The following B3GALNT2 variants were observed in gnomAD, a reference collection of about 807,000 sequenced individuals.
B3GALNT2 encodes the protein beta-1,3-N-acetylgalactosaminyltransferase 2, also known as UDP-GalNAc:beta-1,3-N-acetylgalactosaminyltransferase 2.
Under a neutral mutation model 61.1 loss-of-function variants are expected in B3GALNT2, and 53 were observed. That is an observed-to-expected ratio of 0.87 (90% CI 0.70 to 1.09). The LOEUF is 1.09. B3GALNT2 is among the 50% of genes least tolerant of loss of function. The probability of loss-of-function intolerance (pLI) is 0.00; values close to 1 mark genes in which losing one functional copy is unlikely to be tolerated. For synonymous variants in B3GALNT2, 223 were observed against 237.4 expected, an observed-to-expected ratio of 0.94 and a Z score of 0.56; for missense variants, 544 against 623.0, an observed-to-expected ratio of 0.87 and a Z score of 1.35.
chr1:235,481,568 T>C (rs1369486003), intron 4 of B3GALNT2, among the ~76,000 whole-genome samples: 1 of 152,140 alleles, frequency 6.6e-6, no homozygotes, highest in African/African-American at 2.4e-5. Flanking sequence ...GGTCTCTAAC[T>C]CCTGGGCTGA....
intron 8 of B3GALNT2, among the ~76,000 whole-genome samples, chr1:235,458,348 T>C (rs1683262884): frequency 6.6e-6 from 1 of 152,146 alleles, no homozygotes; most frequent in Non-Finnish European, 1.5e-5. Flanking sequence ...TTTGTTTTTA[T>C]TTGCTGAAAT....
rs973185790 is a variant in B3GALNT2 at position 235,447,960 on chromosome 1, C to T, written c.*2246G>A. Reference sequence around the variant, plus strand: ...GGCGCTGGGCTCATGCTTGTAATCCCAGCACTTTGGGGGGCCAGGGCGGGC... The same window carrying T: ...GGCGCTGGGCTCATGCTTGTAATCCTAGCACTTTGGGGGGCCAGGGCGGGC... On this transcript the variant is annotated 3_prime_UTR_variant, in exon 12 of 12. Coordinates refer to ENST00000366600, the MANE Select transcript of B3GALNT2 (RefSeq NM_152490.5). Among the ~76,000 whole-genome samples, 2 of 152,092 alleles carry T rather than the reference C, an allele frequency of 1.3e-5. No homozygotes were observed. Among genetic ancestry groups the T allele is most frequent in the Non-Finnish European group, 2.9e-5 (2 of 68,022 alleles).
chr1:235,484,839 T>C (rs1684725669), intron 3 of B3GALNT2, among the ~76,000 whole-genome samples: 1 of 152,232 alleles, frequency 6.6e-6, no homozygotes, highest in Non-Finnish European at 1.5e-5. Flanking sequence ...GGCATCTATT[T>C]GGAAGGGTTG....
chr1:235,453,197 T>C, intron 10 of B3GALNT2, 51 bp from the exon 11 acceptor site: 11 of 1,531,194 alleles, frequency 7.2e-6, no homozygotes, highest in Non-Finnish European at 9.9e-6. Context: ...GCTATTTTAT[T>C]TGTAAAGACA....
Position 235,473,448 on chromosome 1 carries a change from C to T in B3GALNT2, c.652-2488G>A, listed in dbSNP as rs77726236. Among the ~76,000 whole-genome samples, 875 of 152,224 alleles carry T rather than the reference C, an allele frequency of 5.7e-3. 10 individuals carry two copies. The highest frequency in any genetic ancestry group is 0.02 in the African/African-American group (836 of 41,530). ...CCTGGACATGAGAGTGACGATAACTCTCATGATTCTGGTTTAGGTGACTTG... is the reference window on the plus strand; with the variant it reads ...CCTGGACATGAGAGTGACGATAACTTTCATGATTCTGGTTTAGGTGACTTG... On this transcript the variant is annotated intron_variant, in intron 5 of 11. Coordinates refer to ENST00000366600, the MANE Select transcript of B3GALNT2 (RefSeq NM_152490.5).
intron 1 of B3GALNT2, among the ~76,000 whole-genome samples, chr1:235,496,852 T>C (rs748987683): frequency 2.0e-5 from 3 of 152,144 alleles, no homozygotes; most frequent in South Asian, 2.1e-4. Flanking sequence ...CCAGTACTTG[T>C]TGAACAAATG....
At chr1:235,490,239 CT>C (rs967035617) in intron 2 of B3GALNT2, among the ~76,000 whole-genome samples, 1 of 151,398 alleles carries the variant, frequency 6.6e-6, no homozygotes, top group African/African-American at 2.4e-5. Flanking sequence ...TAGTTGTTTT[CT>C]TTTTTTTTGA....
chr1:235,453,025 A>G, intron 11 of B3GALNT2, 65 bp downstream of exon 11: 1 of 1,398,962 alleles, frequency 7.1e-7, no homozygotes, highest in Non-Finnish European at 1.0e-6. Context: ...AAGAACACTC[A>G]ACCTGTATAT....
chr1:235,468,894 A>G (rs925522603), intron 6 of B3GALNT2, among the ~76,000 whole-genome samples: 3 of 152,236 alleles, frequency 2.0e-5, no homozygotes, highest in Non-Finnish European at 4.4e-5. Flanking sequence ...AAAATTTTTC[A>G]TAAGACTTAA....
At chr1:235,443,056 A>G, downstream of B3GALNT2, 2 of 805,748 alleles carry the variant, frequency 2.5e-6, no homozygotes, top group East Asian at 2.7e-5. Flanking sequence ...ATTCTAAAAT[A>G]CAATCAATCA....
rs907740419 is a variant in B3GALNT2, at chr1:235,448,896, G to A, written c.*1310C>T. 2.8e-6 allele frequency: 2 copies of A among 725,558 alleles called. No homozygotes were observed. The highest frequency in any genetic ancestry group is 2.3e-4 in the Middle Eastern group (1 of 4,330). The allele number at this position is 725,558 out of a possible 1,614,324, so 44.9% of individuals were successfully genotyped here. A position where few individuals can be genotyped will look rare whatever the true frequency, so the allele number is the denominator to read the frequency against. ...ACTTGTCCTAAGTATAACAAGGGAT[G>A]TATTTTTTGTTGGGAAGTGACCATT... On this transcript the variant is annotated 3_prime_UTR_variant, in exon 12 of 12. Transcript: ENST00000366600.
chr1:235,475,585 C>T (rs770402041), intron 5 of B3GALNT2, among the ~76,000 whole-genome samples: 2 of 152,124 alleles, frequency 1.3e-5, no homozygotes, highest in Non-Finnish European at 2.9e-5. Flanking sequence ...TCCGAGCAAA[C>T]AAACCCAATC....
At chr1:235,496,492 AC>A (rs1685329042) in intron 1 of B3GALNT2, among the ~76,000 whole-genome samples, 1 of 151,984 alleles carries the variant, frequency 6.6e-6, no homozygotes, top group Admixed American at 6.6e-5. Flanking sequence ...TGTGAAAAGC[AC>A]TACATATAGA....
chr1:235,494,238 A>G (rs1187497938), intron 2 of B3GALNT2, among the ~76,000 whole-genome samples: 1 of 151,506 alleles, frequency 6.6e-6, no homozygotes, highest in Non-Finnish European at 1.5e-5. Context: ...GCTATTCTAA[A>G]TCAAAGCAAA....
intron 5 of B3GALNT2, among the ~76,000 whole-genome samples, chr1:235,472,866 A>T (rs1465169299): frequency 6.6e-6 from 1 of 151,602 alleles, no homozygotes; most frequent in African/African-American, 2.4e-5. Context: ...GTTTATAAAC[A>T]TTTTTTTCCC....
chr1:235,474,977 ATATATATATATTTTTTTTTTT>A (rs1397454112), intron 5 of B3GALNT2, among the ~76,000 whole-genome samples: 1 of 29,956 alleles, frequency 3.3e-5, no homozygotes, highest in African/African-American at 2.2e-4. Context: ...ATATATATAT[ATATATATATATTTTTTTTTTT>A]TTTTTTTTTT....
At chr1:235,488,691 CCAAAAAAAAAAAAA>C in intron 3 of B3GALNT2, among the ~76,000 whole-genome samples, 1 of 47,678 alleles carries the variant, frequency 2.1e-5, no homozygotes. Context: ...GACTCCATCT[CCAAAAAAAAAAAAA>C]AAAAAAAAAA....
At position 235,448,218 on chromosome 1, in the gene B3GALNT2, C is replaced by CG; in HGVS notation, c.*1987_*1988insC. 1 of 671,990 alleles carries CG rather than the reference C, an allele frequency of 1.5e-6. No individual in the cohort carries two copies. The highest frequency in any genetic ancestry group is 1.6e-5 in the South Asian group (1 of 61,814). 41.6% of individuals were successfully genotyped at this position (671,990 alleles called of 1,614,324 possible). On this transcript the variant is annotated 3_prime_UTR_variant, in exon 12 of 12. Coordinates refer to ENST00000366600, the MANE Select transcript of B3GALNT2 (RefSeq NM_152490.5). ...TACTTAAGTAAGTAAGTAAGTCAGTCTCAAAAAAAAAAAAAAAAAAAAGAC... is the reference window on the plus strand; with the variant it reads ...TACTTAAGTAAGTAAGTAAGTCAGTCGTCAAAAAAAAAAAAAAAAAAAAGAC...
the B3GALNT2 span, among the ~76,000 whole-genome samples, chr1:235,440,462 G>A: frequency 2.6e-5 from 4 of 151,134 alleles, no homozygotes; most frequent in East Asian, 7.9e-4. Flanking sequence ...GCGCGATCTC[G>A]GCTCACTGCA....
Sources: allele counts gnomAD v4.1 joint callset (sites outside exome capture counted in the v4.1 genomes callset), GRCh38; gene constraint gnomAD v4.1.1; transcripts MANE v1.5; gene names NCBI Gene and HGNC (gene_info 2026-07-23, HGNC 2026-07-21).